Variants in NFAT5 observed in about 807,000 individuals in gnomAD.
NFAT5 encodes the protein nuclear factor of activated T cells 5.
NFAT5 carries 31 observed loss-of-function variants against 166.5 expected under a neutral mutation model. The observed-to-expected ratio is 0.19, with a 90% CI of 0.14 to 0.25. The LOEUF (loss-of-function observed/expected upper bound fraction) is 0.25, where lower values mean the gene tolerates loss of function less well. Among genes scored for constraint, NFAT5 ranks in the 10% least tolerant of loss-of-function variants. The pLI is 1.00. For missense variants in NFAT5, 1,449 were observed against 1,821.8 expected (o/e 0.80, Z 3.72); for synonymous variants, 612 against 639.7 (o/e 0.96, Z 0.65).
At chr16:69,608,838 C>T (rs1342227341) in intron 2 of NFAT5, among the ~76,000 whole-genome samples, 1 of 147,752 alleles carries the variant, frequency 6.8e-6, no homozygotes, top group Non-Finnish European at 1.5e-5. Context: ...TTTAGGTAAT[C>T]TGGCCAGGTG....
chr16:69,605,158 G>A (rs1332988057), intron 2 of NFAT5, among the ~76,000 whole-genome samples: 1 of 152,166 alleles, frequency 6.6e-6, no homozygotes, highest in Non-Finnish European at 1.5e-5. Context: ...AGAAAGTGGA[G>A]GCCGGGTGTG....
Position 69,701,647 on chromosome 16 carries a change from A to T in NFAT5, c.*5296A>T, listed in dbSNP as rs893835553. 1 of 152,260 alleles carries T rather than the reference A, an allele frequency of 6.6e-6. No homozygotes were observed. The highest frequency in any genetic ancestry group is 1.9e-4 in the East Asian group (1 of 5,200). 9.4% of individuals were successfully genotyped at this position (152,260 alleles called of 1,614,324 possible). ...CCAGCTAATGGTAGGTCTTATCTGA[A>T]TACTCATGAGAATTTTAGCATCTGT... is the stretch of plus-strand genomic sequence containing the variant. On this transcript the variant is annotated 3_prime_UTR_variant, in exon 15 of 15. Coordinates refer to ENST00000349945, the MANE Select transcript of NFAT5 (RefSeq NM_138713.4).
At chr16:69,599,191 A>T (rs536531351) in intron 2 of NFAT5, among the ~76,000 whole-genome samples, 4 of 146,656 alleles carry the variant, frequency 2.7e-5, no homozygotes, top group Non-Finnish European at 5.9e-5. Context: ...GGTAGTAGTA[A>T]TGACTACATA....
At chr16:69,616,880 C>T (rs1432166254) in intron 2 of NFAT5, among the ~76,000 whole-genome samples, 4 of 151,600 alleles carry the variant, frequency 2.6e-5, no homozygotes, top group Admixed American at 2.6e-4. Context: ...CCCCTCTAGG[C>T]TTCTGATACC....
At chr16:69,619,233 TAAGA>T (rs552833309) in intron 2 of NFAT5, among the ~76,000 whole-genome samples, 31 of 152,358 alleles carry the variant, frequency 2.0e-4, no homozygotes, top group Admixed American at 1.7e-3. Flanking sequence ...ATGAAAATTC[TAAGA>T]AAGAATAAGA....
intron 2 of NFAT5, among the ~76,000 whole-genome samples, chr16:69,613,763 A>G (rs11861500): frequency 0.044 from 6,721 of 152,270 alleles, 507 homozygotes; most frequent in African/African-American, 0.15. Flanking sequence ...ATACTGCATT[A>G]TTTTAAACTT....
At chr16:69,676,864 A>C (rs2036851676) in intron 9 of NFAT5, 1 of 186,902 alleles carries the variant, frequency 5.4e-6, no homozygotes, top group Admixed American at 6.3e-5. Context: ...GAAGAGAATA[A>C]CAAGTATAGA....
At chr16:69,585,620 A>G (rs902451643) in intron 2 of NFAT5, among the ~76,000 whole-genome samples, 3 of 152,232 alleles carry the variant, frequency 2.0e-5, no homozygotes, top group East Asian at 3.8e-4. Context: ...AATGTGGTAT[A>G]TAAGTACAAG....
At chr16:69,681,917 G>GA (rs763455010) in intron 10 of NFAT5, among the ~76,000 whole-genome samples, 1,513 of 102,128 alleles carry the variant, frequency 0.015, 15 homozygotes, top group Non-Finnish European at 0.021. Flanking sequence ...GACTCCATCT[G>GA]AAAAAAAAAA....
In NFAT5 at chr16:69,635,333, G is replaced by T. The variant is rs1010427272; in HGVS notation, c.253+8805G>T. Among the ~76,000 whole-genome samples, 5 of 152,076 alleles carry T rather than the reference G, an allele frequency of 3.3e-5. No individual in the cohort carries two copies. The East Asian group carries it at 7.7e-4, about 24-fold the overall frequency. On this transcript the variant is annotated intron_variant, in intron 3 of 14. Coordinates refer to ENST00000349945, the MANE Select transcript of NFAT5 (RefSeq NM_138713.4). ...GCCATTAGTAAGGTGTTAAAAAATAGGTTCTCTTTGTAAAAATTAGTTTTG... is the reference window on the plus strand; with the variant it reads ...GCCATTAGTAAGGTGTTAAAAAATATGTTCTCTTTGTAAAAATTAGTTTTG...
At chr16:69,629,022 C>A (rs1218767103) in intron 3 of NFAT5, among the ~76,000 whole-genome samples, 2 of 152,140 alleles carry the variant, frequency 1.3e-5, no homozygotes, top group Non-Finnish European at 2.9e-5. Flanking sequence ...TGCAGTGAAC[C>A]AAGATCGTGC....
In NFAT5 at chr16:69,682,294, ATT is replaced by A. The variant is rs60855092; in HGVS notation, c.1691-2580_1691-2579del. Among the ~76,000 whole-genome samples, 908 of 145,234 alleles carry A rather than the reference ATT, an allele frequency of 6.3e-3. 7 individuals are homozygous for A. The highest frequency in any genetic ancestry group is 0.02 in the African/African-American group (772 of 39,444). On this transcript the variant is annotated intron_variant, in intron 10 of 14. Coordinates refer to ENST00000349945, the MANE Select transcript of NFAT5 (RefSeq NM_138713.4). The stretch of plus-strand genomic sequence containing the variant: ...AAGAAATGGGAATGTAATATTTAAC[ATT>A]TTTTTTTTTTTTCTAAAAAAGAAAT...
At chr16:69,671,050 T>C (rs1222241240) in intron 9 of NFAT5, among the ~76,000 whole-genome samples, 1 of 152,252 alleles carries the variant, frequency 6.6e-6, no homozygotes, top group Non-Finnish European at 1.5e-5. Flanking sequence ...ATAGCCACTT[T>C]ATCCAAAAAG....
intron 11 of NFAT5, among the ~76,000 whole-genome samples, chr16:69,687,966 G>GGGTGGATCATGAGGTC (rs1450420116): frequency 1.3e-5 from 2 of 150,656 alleles, no homozygotes; most frequent in African/African-American, 2.4e-5. Context: ...AGGCCGAGGC[G>GGGTGGATCATGAGGTC]GGTGGATCAT....
chr16:69,601,159 CAA>C (rs1567531751), intron 2 of NFAT5, among the ~76,000 whole-genome samples: 2 of 151,920 alleles, frequency 1.3e-5, no homozygotes, highest in African/African-American at 4.8e-5. Context: ...AACGACAAAA[CAA>C]GAACAAATCA....
intron 2 of NFAT5, among the ~76,000 whole-genome samples, chr16:69,576,291 C>CAAAAA (rs35557444): frequency 3.6e-5 from 2 of 55,296 alleles, no homozygotes; most frequent in Non-Finnish European, 3.9e-5. Context: ...GACTCGGTCT[C>CAAAAA]AAAAAAAAAA....
chr16:69,575,823 A>G (rs192043869), intron 2 of NFAT5, among the ~76,000 whole-genome samples: 12 of 152,282 alleles, frequency 7.9e-5, no homozygotes, highest in Admixed American at 6.5e-4. Context: ...TATTTTTCAC[A>G]TTTAACTCTT....
chr16:69,641,538 T>C (rs1295171582), intron 3 of NFAT5, among the ~76,000 whole-genome samples: 1 of 152,138 alleles, frequency 6.6e-6, no homozygotes, highest in Non-Finnish European at 1.5e-5. Flanking sequence ...TAAATATCAT[T>C]TCTGTCATAT....
chr16:69,664,547 G>T (rs149547382), intron 7 of NFAT5, among the ~76,000 whole-genome samples: 8,644 of 152,028 alleles, frequency 0.057, 287 homozygotes, highest in South Asian at 0.066. Flanking sequence ...GGCCTCTCAG[G>T]GTGCTGGGAT....
Sources: allele counts gnomAD v4.1 joint callset (sites outside exome capture counted in the v4.1 genomes callset), GRCh38; gene constraint gnomAD v4.1.1; transcripts MANE v1.5; gene names NCBI Gene and HGNC (gene_info 2026-07-23, HGNC 2026-07-21).